The following FOXK2 variants were observed in gnomAD, a reference collection of about 807,000 sequenced individuals.
The protein encoded by FOXK2 is forkhead box protein K2.
In FOXK2, 24 loss-of-function variants were observed where a neutral mutation model predicts 53.3. The observed-to-expected ratio is 0.45, with a 90% confidence interval of 0.33 to 0.63. The LOEUF is 0.63. Ranked by LOEUF, FOXK2 falls within the 30% of genes least tolerant of loss-of-function variation. The pLI is 0.03. For synonymous variants in FOXK2, 505 were observed against 407.1 expected (o/e 1.24, Z -2.89); for missense variants, 952 against 910.5 (o/e 1.05, Z -0.59).
At chr17:82,575,619 G>A (rs1240910268) in intron 4 of FOXK2, among the ~76,000 whole-genome samples, 2 of 152,182 alleles carry the variant, frequency 1.3e-5, no homozygotes, top group African/African-American at 4.8e-5. Context: ...AGAAGACAGC[G>A]ACACAAGGAC....
In FOXK2 at chr17:82,545,729, G is replaced by A. The variant is rs8081670; in HGVS notation, c.420-17625G>A. Among the ~76,000 whole-genome samples, 578 of 152,018 alleles carry A rather than the reference G, an allele frequency of 3.8e-3. 6 individuals are homozygous for A. The highest frequency in any genetic ancestry group is 0.013 in the African/African-American group (531 of 41,440). Reference sequence around the variant, plus strand: ...CCTGAGTGGCTGGGATTATAGGTACGCACCAGCACACCTGGCTAATTTTTG... The same window carrying A: ...CCTGAGTGGCTGGGATTATAGGTACACACCAGCACACCTGGCTAATTTTTG... On this transcript the variant is annotated intron_variant, in intron 1 of 8. Coordinates refer to ENST00000335255, the MANE Select transcript of FOXK2 (RefSeq NM_004514.4).
At chr17:82,569,924 A>T (rs956932207) in intron 3 of FOXK2, among the ~76,000 whole-genome samples, 14 of 151,056 alleles carry the variant, frequency 9.3e-5, no homozygotes, top group Non-Finnish European at 1.8e-4. Context: ...TTTTCTGTTT[A>T]AAAAAAAAAG....
intron 5 of FOXK2, 118 bp from the exon 6 acceptor site, chr17:82,583,895 G>C (rs1397156813): frequency 9.6e-7 from 1 of 1,038,258 alleles, no homozygotes. Context: ...TTACACAACA[G>C]TACTTGGTTG....
At chr17:82,588,742 T>C (rs1264462124) in intron 8 of FOXK2, among the ~76,000 whole-genome samples, 2 of 151,960 alleles carry the variant, frequency 1.3e-5, no homozygotes, top group African/African-American at 2.4e-5. Context: ...CCACCTCTCT[T>C]AGAAGCAGTT....
At chr17:82,522,038 T>G (rs986780474) in intron 1 of FOXK2, among the ~76,000 whole-genome samples, 5 of 143,436 alleles carry the variant, frequency 3.5e-5, no homozygotes, top group African/African-American at 1.3e-4. Flanking sequence ...CCCTTTAATC[T>G]GACTTTTTTT....
intron 1 of FOXK2, among the ~76,000 whole-genome samples, chr17:82,560,697 A>G (rs2044784235): frequency 1.3e-5 from 2 of 152,214 alleles, no homozygotes; most frequent in South Asian, 4.1e-4. Context: ...GTTGTCTTAA[A>G]TATATCATTT....
chr17:82,579,910 G>T (rs546161495), intron 4 of FOXK2, among the ~76,000 whole-genome samples: 1 of 124,038 alleles, frequency 8.1e-6, no homozygotes, highest in East Asian at 2.5e-4. Flanking sequence ...CCATCCACAG[G>T]GCCCAGATCC....
intron 1 of FOXK2, among the ~76,000 whole-genome samples, chr17:82,557,061 C>T (rs924677429): frequency 6.7e-6 from 1 of 148,838 alleles, no homozygotes; most frequent in African/African-American, 2.5e-5. Context: ...GACAGAGTTG[C>T]TCTTGTTGCC....
At chr17:82,526,966 G>C (rs2044424701) in intron 1 of FOXK2, among the ~76,000 whole-genome samples, 1 of 152,202 alleles carries the variant, frequency 6.6e-6, no homozygotes, top group Admixed American at 6.5e-5. Context: ...GAGCTGAGCA[G>C]AGCGGGTCGG....
intron 3 of FOXK2, 29 bp downstream of exon 3, chr17:82,568,230 C>T: frequency 6.2e-7 from 1 of 1,610,472 alleles, no homozygotes; most frequent in Non-Finnish European, 8.5e-7. Flanking sequence ...TGAAGCAGCC[C>T]CTGGGGGACA....
intron 1 of FOXK2, among the ~76,000 whole-genome samples, chr17:82,542,197 T>C (rs544156103): frequency 8.7e-4 from 129 of 148,546 alleles, no homozygotes; most frequent in South Asian, 3.5e-3. Flanking sequence ...GTTTCGTTCT[T>C]GTCGCCCAGG....
chr17:82,527,030 G>A (rs2044425498), intron 1 of FOXK2, among the ~76,000 whole-genome samples: 1 of 152,128 alleles, frequency 6.6e-6, no homozygotes, highest in South Asian at 2.1e-4. Context: ...GCTGCAAGGT[G>A]GCTGAAATGC....
intron 1 of FOXK2, among the ~76,000 whole-genome samples, chr17:82,552,729 T>C (rs2044688403): frequency 6.6e-6 from 1 of 152,192 alleles, no homozygotes; most frequent in South Asian, 2.1e-4. Flanking sequence ...GGTGTCGTTT[T>C]GTGCCGTGGA....
intron 3 of FOXK2, among the ~76,000 whole-genome samples, chr17:82,571,077 G>A (rs990359913): frequency 6.6e-6 from 1 of 152,128 alleles, no homozygotes; most frequent in African/African-American, 2.4e-5. Flanking sequence ...GGTGCTGCTG[G>A]CTGTGAGCCC....
chr17:82,540,421 G>A (rs1462436089), intron 1 of FOXK2, among the ~76,000 whole-genome samples: 2 of 152,134 alleles, frequency 1.3e-5, no homozygotes, highest in African/African-American at 2.4e-5. Context: ...TTGTTTGTGG[G>A]TATGCGTCCT....
At chr17:82,593,328 G>A (rs1220320922) in intron 8 of FOXK2, 2 of 143,048 alleles carry the variant, frequency 1.4e-5, no homozygotes, top group African/African-American at 5.0e-5. Context: ...TTCTGAAAGG[G>A]TACGCAGCAG....
At chr17:82,582,970 GCTTACTAAA>G in intron 5 of FOXK2, 36 bp downstream of exon 5, 2 of 1,456,478 alleles carry the variant, frequency 1.4e-6, no homozygotes, top group Non-Finnish European at 1.8e-6. Flanking sequence ...CTCACTTCGT[GCTTACTAAA>G]CTTACCTTCA....
intron 1 of FOXK2, among the ~76,000 whole-genome samples, chr17:82,522,449 A>G (rs563740255): frequency 2.0e-5 from 3 of 151,224 alleles, no homozygotes; most frequent in African/African-American, 7.3e-5. Flanking sequence ...GCTCACTGCA[A>G]GCTATGCCTC....
chr17:82,568,351 C>A (rs1193870886), intron 3 of FOXK2, 150 bp downstream of exon 3: 1 of 954,184 alleles, frequency 1.0e-6, no homozygotes. Flanking sequence ...GGTGTTGCTG[C>A]TGTGTTCTTG....
Sources: allele counts gnomAD v4.1 joint callset (sites outside exome capture counted in the v4.1 genomes callset), GRCh38; gene constraint gnomAD v4.1.1; transcripts MANE v1.5; gene names NCBI Gene and HGNC (gene_info 2026-07-23, HGNC 2026-07-21).